ELN: variants seen among roughly 807,000 people sequenced by gnomAD.
ELN encodes the protein elastin.
A neutral mutation model predicts 105.8 loss-of-function variants in ELN; 65 were observed. That is an observed-to-expected ratio of 0.61 (90% CI 0.50 to 0.75). The LOEUF is 0.75. ELN is among the 30% of genes least tolerant of loss of function. The pLI is 0.00. For missense variants in ELN, 882 were observed against 969.4 expected, an observed-to-expected ratio of 0.91 and a Z score of 1.20; for synonymous variants, 368 against 389.2, an observed-to-expected ratio of 0.95 and a Z score of 0.64.
rs1792632080 is a variant in ELN at position 74,046,754 on chromosome 7, C to T, written c.630C>T (p.Ala210=). The part of the protein sequence containing the change: ...PGVPLGYPIK[A]PKLPGGYGLP... ...TCCCACTGGGGTATCCCATCAAGGC[C>T]CCCAAGCTGCCTGGTAAGTCAGAGG... Residue 210 remains alanine (A), a synonymous_variant, in exon 12 of 33, where the codon GCC becomes GCT. Transcript: ENST00000252034. 1.9e-6 allele frequency: 3 copies of T among 1,614,024 alleles called. No individual in the cohort carries two copies. The highest frequency in any genetic ancestry group is 1.7e-6 in the Non-Finnish European group (2 of 1,180,022).
intron 1 of ELN, among the ~76,000 whole-genome samples, chr7:74,031,500 G>A (rs910316808): frequency 2.0e-5 from 3 of 152,190 alleles, no homozygotes; most frequent in Non-Finnish European, 2.9e-5. Flanking sequence ...GGCAGCTAAT[G>A]TGTAAATAGA....
intron 3 of ELN, among the ~76,000 whole-genome samples, chr7:74,037,482 C>G (rs1291779458): frequency 6.6e-6 from 1 of 152,340 alleles, no homozygotes; most frequent in Non-Finnish European, 1.5e-5. Context: ...GCGTGAGCCA[C>G]CACCCCCAGC....
At chr7:74,055,024 C>A in intron 19 of ELN, among the ~76,000 whole-genome samples, 1 of 152,274 alleles carries the variant, frequency 6.6e-6, no homozygotes, top group East Asian at 1.9e-4. Context: ...CTGGCCAAGG[C>A]CCTCTCAGAG....
At chr7:74,057,448 C>A in intron 21 of ELN, 192 bp from the exon 22 acceptor site, 1 of 1,538,160 alleles carries the variant, frequency 6.5e-7, no homozygotes, top group Non-Finnish European at 8.7e-7. Flanking sequence ...CCAGGTGTGC[C>A]GGGCACGGGA....
chr7:74,067,227 T>A (rs980358919), intron 32 of ELN, among the ~76,000 whole-genome samples: 1 of 151,768 alleles, frequency 6.6e-6, no homozygotes, highest in Admixed American at 6.6e-5. Flanking sequence ...GAAACCATCC[T>A]GGCTGAAACG....
chr7:74,060,243 C>T, intron 24 of ELN, 59 bp downstream of exon 24: 1 of 1,613,900 alleles, frequency 6.2e-7, no homozygotes, highest in Non-Finnish European at 8.5e-7. Flanking sequence ...TGGTTAGGGG[C>T]AACAGCCAGG....
In ELN at chr7:74,043,041, T is replaced by C; in HGVS notation, c.376+7T>C. ...GGCTTAGGAGTGTCTGCAGGTACGA[T>C]GGCTATCCCCGAACTCCCTGGGTCA... is the stretch of plus-strand genomic sequence containing the variant. On this transcript the variant is annotated splice_region_variant and intron_variant, in intron 7 of 32. Transcript: ENST00000252034. 3 of 1,614,104 alleles carry C rather than the reference T, an allele frequency of 1.9e-6. No individual in the cohort carries two copies. The highest frequency in any genetic ancestry group is 2.5e-6 in the Non-Finnish European group (3 of 1,180,012).
At chr7:74,036,512 A>G in intron 2 of ELN, 43 bp from the exon 3 acceptor site, 1 of 1,613,034 alleles carries the variant, frequency 6.2e-7, no homozygotes, top group Non-Finnish European at 8.5e-7. Flanking sequence ...CTTGCCTGGC[A>G]GAAGTACCGA....
rs782117709 is a variant in ELN, at chr7:74,063,643, C to A, written c.1941C>A (p.Leu647=). 2 of 1,614,142 alleles carry A rather than the reference C, an allele frequency of 1.2e-6. No homozygotes were observed. Among genetic ancestry groups the A allele is most frequent in the South Asian group, 1.1e-5 (1 of 91,074 alleles). Reference sequence around the variant, plus strand: ...CAGGCCTAGTGGGAGCCGCTGGGCTCGGAGGACTCGGAGTCGGAGGGCTTG... The same window carrying A: ...CAGGCCTAGTGGGAGCCGCTGGGCTAGGAGGACTCGGAGTCGGAGGGCTTG... ...AQFGLVGAAG[L]GGLGVGGLGV... is the part of the protein sequence containing the mutation. The change falls in exon 29 of 33, where the codon CTC becomes CTA. Residue 647 remains leucine, a synonymous_variant. Transcript: ENST00000252034. The surrounding 1 kb of genome is among the most constrained non-coding windows in gnomAD (Gnocchi z 4.1).
intron 17 of ELN, 129 bp from the exon 18 acceptor site, chr7:74,053,034 C>G: frequency 1.5e-6 from 2 of 1,346,822 alleles, no homozygotes; most frequent in Non-Finnish European, 2.1e-6. Flanking sequence ...AGGATCCATG[C>G]AGAGGAAATG....
rs1554689786 is a variant in ELN, at chr7:74,067,236, C to T, written c.2131+460C>T. Among the ~76,000 whole-genome samples, 5 of 150,732 alleles carry T rather than the reference C, an allele frequency of 3.3e-5. No individual in the cohort carries two copies. In the South Asian group the frequency reaches 8.3e-4, roughly 25 times the overall value. On this transcript the variant is annotated intron_variant, in intron 32 of 32. Transcript: ENST00000252034. ...GAGATGGAAACCATCCTGGCTGAAA[C>T]GGTGAAACCCCGTCTCTACTAAAAA... is the stretch of plus-strand genomic sequence containing the variant.
chr7:74,045,139 C>G lies in ELN; in HGVS notation c.470-83C>G, dbSNP rs1792162685. The G allele has an allele frequency of 2.0e-6, 3 of 1,535,482 alleles. No homozygotes were observed. The East Asian group carries it at 6.7e-5, about 34-fold the overall frequency. The stretch of plus-strand genomic sequence containing the variant: ...GACAGTCAGTCCCAAGGGAGGTCAG[C>G]TGGGGGACCCGAGGAGGGGAGGGGT... On this transcript the variant is annotated intron_variant, in intron 9 of 32. Transcript: ENST00000252034.
intron 1 of ELN, among the ~76,000 whole-genome samples, chr7:74,031,518 T>C (rs1788647397): frequency 6.6e-6 from 1 of 152,050 alleles, no homozygotes; most frequent in Admixed American, 6.6e-5. Context: ...AGATGTGCAA[T>C]GATGAAAGAA....
intron 3 of ELN, among the ~76,000 whole-genome samples, chr7:74,037,196 C>CTT (rs532604614): frequency 1.4e-5 from 2 of 138,258 alleles, no homozygotes; most frequent in African/African-American, 2.6e-5. Context: ...GCACCATCTT[C>CTT]TTTTTTTTTT....
At chr7:74,057,240 A>G (rs1795441043) in intron 21 of ELN, 1 of 745,860 alleles carries the variant, frequency 1.3e-6, no homozygotes, top group African/African-American at 1.8e-5. Context: ...TCCAACTCTA[A>G]AAATAAAAAA....
rs191027227 is a variant in ELN, at chr7:74,032,258, T to A, written c.83-3106T>A. 6.6e-5 allele frequency among the ~76,000 whole-genome samples: 10 copies of A among 152,298 alleles called. No homozygotes were observed. The East Asian group carries it at 1.9e-3, about 29-fold the overall frequency. ...CAAGACAAGTGTTCTCCAGGCCAAC[T>A]GCTTAGGGCCAGCTGAGCAGCACAG... is the stretch of plus-strand genomic sequence containing the variant. On this transcript the variant is annotated intron_variant, in intron 1 of 32. Transcript: ENST00000252034.
intron 15 of ELN, among the ~76,000 whole-genome samples, chr7:74,050,832 A>T (rs1226087766): frequency 6.6e-6 from 1 of 152,148 alleles, no homozygotes; most frequent in African/African-American, 2.4e-5. Flanking sequence ...AGAAAGTGAC[A>T]TGTGATTTAG....
At chr7:74,041,139 C>A in intron 4 of ELN, 77 bp from the exon 5 acceptor site, 1 of 1,598,308 alleles carries the variant, frequency 6.3e-7, no homozygotes, top group South Asian at 1.1e-5. Context: ...CACAGCACTG[C>A]CCTAACTCCA....
At chr7:74,045,949 C>T (rs1453927315) in intron 10 of ELN, 22 of 554,470 alleles carry the variant, frequency 4.0e-5, no homozygotes, top group Middle Eastern at 9.7e-4. Context: ...GCGGGAGAAT[C>T]GCCAGAACCT....
Sources: allele counts gnomAD v4.1 joint callset (sites outside exome capture counted in the v4.1 genomes callset), GRCh38; gene constraint gnomAD v4.1.1; non-coding constraint Gnocchi (gnomAD v3.1); transcripts MANE v1.5; gene names NCBI Gene and HGNC (gene_info 2026-07-23, HGNC 2026-07-21).